Variants in ANO3 observed in about 807,000 individuals in gnomAD.
ANO3 encodes the protein anoctamin-3.
In ANO3, 99 loss-of-function variants were observed where a neutral mutation model predicts 144.8. The observed-to-expected ratio is 0.68, with a 90% CI of 0.58 to 0.81. ANO3 has a LOEUF of 0.81. Ranked by LOEUF, ANO3 falls within the 30% of genes least tolerant of loss-of-function variation. The pLI, the probability that ANO3 is intolerant of heterozygous loss-of-function variation, is 0.00. For synonymous variants in ANO3, 414 were observed against 392.6 expected, an observed-to-expected ratio of 1.05 and a Z score of -0.64; for missense variants, 905 against 1,202.2, an observed-to-expected ratio of 0.75 and a Z score of 3.66.
intron 1 of ANO3, among the ~76,000 whole-genome samples, chr11:26,312,689 G>T (rs1854528645): frequency 6.6e-6 from 1 of 152,150 alleles, no homozygotes; most frequent in Non-Finnish European, 1.5e-5. Flanking sequence ...TTTTGATGGG[G>T]TTGAATTTTC....
In ANO3 at chr11:26,656,143, C is replaced by G; in HGVS notation, c.2595C>G (p.Val865=). Residue 865 remains valine, a synonymous_variant, in exon 25 of 27, where the codon GTC becomes GTG. Coordinates refer to ENST00000256737, the MANE Select transcript of ANO3 (RefSeq NM_031418.4). ...EPSENCLKGY[V]NNSLSFFDLS... is the part of the protein sequence containing the mutation. ...CTCCCAGTTGCTTGAAGGGATATGTCAACAATAGCCTATCCTTCTTTGACC... is the reference window on the plus strand; with the variant it reads ...CTCCCAGTTGCTTGAAGGGATATGTGAACAATAGCCTATCCTTCTTTGACC... 1.2e-6 allele frequency: 2 copies of G among 1,613,312 alleles called. No individual in the cohort carries two copies. The highest frequency in any genetic ancestry group is 1.7e-6 in the Non-Finnish European group (2 of 1,179,452).
chr11:26,505,610 T>C (rs184075677), intron 4 of ANO3, among the ~76,000 whole-genome samples: 45 of 152,234 alleles, frequency 3.0e-4, no homozygotes, highest in Admixed American at 5.2e-4. Context: ...ACATTAGATA[T>C]ACTGGGAGTC....
At chr11:26,635,227 AAG>A (rs1224974621) in intron 20 of ANO3, among the ~76,000 whole-genome samples, 157 bp downstream of exon 20, 2 of 152,176 alleles carry the variant, frequency 1.3e-5, no homozygotes, top group African/African-American at 4.8e-5. Flanking sequence ...CTTTTCAAAA[AAG>A]GGGGTGAACT....
At chr11:26,223,553 C>T (rs1434958025) in intron 1 of ANO3, among the ~76,000 whole-genome samples, 1 of 150,870 alleles carries the variant, frequency 6.6e-6, no homozygotes, top group African/African-American at 2.4e-5. Flanking sequence ...ATAGCAATGC[C>T]TCACTCCACA....
chr11:26,564,733 AT>A (rs1850483112), intron 14 of ANO3, among the ~76,000 whole-genome samples: 3 of 16,518 alleles, frequency 1.8e-4, no homozygotes, highest in Non-Finnish European at 2.3e-4. Context: ...ACACACACAC[AT>A]ATATATATAT....
chr11:26,491,902 A>C (rs748885003), intron 4 of ANO3, among the ~76,000 whole-genome samples: 7 of 152,240 alleles, frequency 4.6e-5, no homozygotes, highest in Non-Finnish European at 8.8e-5. Context: ...TTACATATAC[A>C]TTATTAAATG....
At chr11:26,385,822 C>G (rs1398426085) in intron 1 of ANO3, among the ~76,000 whole-genome samples, 1 of 107,892 alleles carries the variant, frequency 9.3e-6, no homozygotes, top group Non-Finnish European at 1.9e-5. Context: ...GTTTCACACA[C>G]ATACACACAC....
intron 3 of ANO3, among the ~76,000 whole-genome samples, chr11:26,449,486 C>G (rs1353221157): frequency 7.9e-5 from 2 of 25,192 alleles, no homozygotes; most frequent in Non-Finnish European, 1.2e-4. Flanking sequence ...CTCTCTCTCT[C>G]TCACACACAC....
At chr11:26,443,682 A>G (rs1334528877) in intron 2 of ANO3, 83 bp from the exon 3 acceptor site, 5 of 627,162 alleles carry the variant, frequency 8.0e-6, no homozygotes, top group Non-Finnish European at 1.3e-5. Context: ...TTTGGCCATC[A>G]TTTGTCCATC....
chr11:26,204,035 T>C, intron 1 of ANO3, among the ~76,000 whole-genome samples: 1 of 152,136 alleles, frequency 6.6e-6, no homozygotes, highest in East Asian at 1.9e-4. Flanking sequence ...ATATGACTAG[T>C]ACTATTGTAA....
chr11:26,433,278 C>T (rs1044128920), intron 1 of ANO3, among the ~76,000 whole-genome samples: 11 of 152,112 alleles, frequency 7.2e-5, no homozygotes, highest in African/African-American at 2.7e-4. Context: ...TTTATCAGCT[C>T]TAAGAGCTTT....
At chr11:26,360,876 GATAAGA>G (rs1261520651) in intron 1 of ANO3, among the ~76,000 whole-genome samples, 1 of 152,176 alleles carries the variant, frequency 6.6e-6, no homozygotes, top group Non-Finnish European at 1.5e-5. Flanking sequence ...ATGGACAAGT[GATAAGA>G]ATGTTTGTGA....
At chr11:26,421,173 A>G (rs1267434219) in intron 1 of ANO3, among the ~76,000 whole-genome samples, 1 of 152,038 alleles carries the variant, frequency 6.6e-6, no homozygotes, top group East Asian at 1.9e-4. Flanking sequence ...AATTAATATC[A>G]CCTACAGGAT....
At chr11:26,373,703 G>A (rs188808343) in intron 1 of ANO3, among the ~76,000 whole-genome samples, 152 of 152,168 alleles carry the variant, frequency 1.0e-3, no homozygotes, top group African/African-American at 3.6e-3. Flanking sequence ...AATCACACCT[G>A]GCTCACAGTC....
At chr11:26,438,937 AC>A (rs1204964606) in intron 1 of ANO3, among the ~76,000 whole-genome samples, 4 of 152,354 alleles carry the variant, frequency 2.6e-5, no homozygotes, top group Non-Finnish European at 2.9e-5. Context: ...TTTAAAACTT[AC>A]TGCGAAGCTA....
intron 1 of ANO3, among the ~76,000 whole-genome samples, chr11:26,256,522 T>G (rs1159812038): frequency 6.6e-6 from 1 of 152,046 alleles, no homozygotes; most frequent in East Asian, 1.9e-4. Flanking sequence ...TTACTAACTA[T>G]ATAAGTTAGA....
At chr11:26,228,568 A>G (rs11602100) in intron 1 of ANO3, among the ~76,000 whole-genome samples, 35,036 of 152,146 alleles carry the variant, frequency 0.23, 4,834 homozygotes, top group Non-Finnish European at 0.29. Flanking sequence ...ATCATAAAAG[A>G]GAGGGGAAGG....
chr11:26,560,894 C>A, intron 14 of ANO3: 3 of 598,442 alleles, frequency 5.0e-6, no homozygotes, highest in Non-Finnish European at 8.1e-6. Context: ...AGAAAGAAAA[C>A]CTTTGGATGA....
At chr11:26,595,565 C>T (rs1402274333) in intron 14 of ANO3, among the ~76,000 whole-genome samples, 1 of 144,004 alleles carries the variant, frequency 6.9e-6, no homozygotes, top group African/African-American at 2.6e-5. Flanking sequence ...GGCAATTCTC[C>T]TAACTCTGCT....
Sources: gnomAD v4.1 joint callset for allele counts (sites outside exome capture counted in the v4.1 genomes callset) on GRCh38, gnomAD v4.1.1 for gene constraint, MANE v1.5 for transcripts, NCBI Gene and HGNC (gene_info 2026-07-23, HGNC 2026-07-21) for gene names.